The following LARGE1 variants were observed in gnomAD, a reference collection of about 807,000 sequenced individuals.
LARGE1 encodes LARGE xylosyl- and glucuronyltransferase 1, also known as xylosyl- and glucuronyltransferase LARGE1.
Under a neutral mutation model 87.6 loss-of-function variants are expected in LARGE1, and 43 were observed. The observed-to-expected ratio is 0.49, with a 90% CI of 0.38 to 0.63. The LOEUF is 0.63. Ranked by LOEUF, LARGE1 falls within the 30% of genes least tolerant of loss-of-function variation. The pLI, the probability that LARGE1 is intolerant of heterozygous loss-of-function variation, is 0.00. For missense variants in LARGE1, 802 were observed against 1,000.2 expected, an observed-to-expected ratio of 0.80 and a Z score of 2.67; for synonymous variants, 434 against 394.6, an observed-to-expected ratio of 1.10 and a Z score of -1.18.
At chr22:33,586,721 T>C (rs2078687492) in intron 5 of LARGE1, among the ~76,000 whole-genome samples, 1 of 152,222 alleles carries the variant, frequency 6.6e-6, no homozygotes, top group Non-Finnish European at 1.5e-5. Context: ...CCTCCCGAAG[T>C]GCTGGGATTA....
intron 6 of LARGE1, among the ~76,000 whole-genome samples, chr22:33,455,485 T>G (rs2068095151): frequency 6.6e-6 from 1 of 152,054 alleles, no homozygotes; most frequent in African/African-American, 2.4e-5. Context: ...AAAAAATTGC[T>G]ATTGTGCCTG....
At chr22:33,085,524 G>A in the LARGE1 span, among the ~76,000 whole-genome samples, 1 of 139,458 alleles carries the variant, frequency 7.2e-6, no homozygotes, top group Non-Finnish European at 1.7e-5. Context: ...TGTCAACTCA[G>A]TATCAACATT....
chr22:33,785,096 C>G (rs1005562395), intron 1 of LARGE1, among the ~76,000 whole-genome samples: 2 of 125,396 alleles, frequency 1.6e-5, no homozygotes, highest in South Asian at 5.4e-4. Flanking sequence ...TGTGTATATA[C>G]ATGTGTATAC....
At chr22:33,904,382 C>T (rs542412295) in intron 1 of LARGE1, among the ~76,000 whole-genome samples, 26 of 152,350 alleles carry the variant, frequency 1.7e-4, no homozygotes, top group African/African-American at 6.3e-4. Flanking sequence ...TCTCAATCTC[C>T]TGACCTCGTG....
chr22:33,433,628 A>AAG (rs2067163067), intron 6 of LARGE1, among the ~76,000 whole-genome samples: 1 of 151,428 alleles, frequency 6.6e-6, no homozygotes, highest in Non-Finnish European at 1.5e-5. Flanking sequence ...AAAAAAAAAA[A>AAG]AAGAAAGGGA....
intron 6 of LARGE1, among the ~76,000 whole-genome samples, chr22:33,529,227 T>C (rs2072073116): frequency 6.6e-6 from 1 of 152,218 alleles, no homozygotes; most frequent in South Asian, 2.1e-4. Flanking sequence ...CCCTGGCTCA[T>C]CGCCTTTGAG....
intron 2 of LARGE1, chr22:33,723,790 A>G (rs139171162): frequency 5.7e-4 from 87 of 152,050 alleles, no homozygotes; most frequent in African/African-American, 2.0e-3. Flanking sequence ...ACAACTCCCT[A>G]TACCACCCTT....
At chr22:33,096,822 C>G in the LARGE1 span, among the ~76,000 whole-genome samples, 1 of 152,188 alleles carries the variant, frequency 6.6e-6, no homozygotes, top group Non-Finnish European at 1.5e-5. Context: ...GCCTCGGCCT[C>G]CCAAAGTGCT....
At chr22:33,475,235 T>C (rs2069020912) in intron 6 of LARGE1, among the ~76,000 whole-genome samples, 1 of 152,122 alleles carries the variant, frequency 6.6e-6, no homozygotes, top group Non-Finnish European at 1.5e-5. Context: ...CTCTTCCTAT[T>C]TGCATCACTT....
At chr22:33,753,538 T>C (rs930216100) in intron 2 of LARGE1, among the ~76,000 whole-genome samples, 12 of 152,036 alleles carry the variant, frequency 7.9e-5, no homozygotes, top group African/African-American at 2.7e-4. Flanking sequence ...AATAAATGTA[T>C]GGTTTTTTTT....
At position 33,591,586 on chromosome 22, in the gene LARGE1, C is replaced by A. The variant is rs117496138; in HGVS notation, c.615+12849G>T. Among the ~76,000 whole-genome samples, 577 of 152,268 alleles carry A rather than the reference C, an allele frequency of 3.8e-3. 11 individuals are homozygous for A. Among genetic ancestry groups the A allele is most frequent in the Admixed American group, 0.032 (497 of 15,298 alleles). ...CAGATAGATGCTTGGCAAATTCTTT[C>A]TTTCAGTCTGTAGCTTATCCTTATA... On this transcript the variant is annotated intron_variant, in intron 5 of 14. Coordinates refer to ENST00000397394, the MANE Select transcript of LARGE1 (RefSeq NM_133642.5).
the LARGE1 span, among the ~76,000 whole-genome samples, chr22:33,073,122 G>A: frequency 6.6e-6 from 1 of 152,192 alleles, no homozygotes; most frequent in African/African-American, 2.4e-5. Context: ...CCCCCATATG[G>A]GGTGGGGTAG....
At chr22:33,821,960 T>G (rs2086839038) in intron 1 of LARGE1, among the ~76,000 whole-genome samples, 1 of 151,574 alleles carries the variant, frequency 6.6e-6, no homozygotes, top group Non-Finnish European at 1.5e-5. Flanking sequence ...AGGTTTTTTT[T>G]TTTTTTTTTT....
At chr22:33,708,604 CT>C (rs1047288190) in intron 2 of LARGE1, among the ~76,000 whole-genome samples, 1 of 152,038 alleles carries the variant, frequency 6.6e-6, no homozygotes, top group Non-Finnish European at 1.5e-5. Flanking sequence ...TTTGTTTCTT[CT>C]TTTTTGTGTG....
chr22:33,816,596 G>T lies in LARGE1; in HGVS notation c.-82-55038C>A, dbSNP rs1162418753. Among the ~76,000 whole-genome samples, 2 of 152,162 alleles carry T rather than the reference G, an allele frequency of 1.3e-5. 1 individual carries two copies. The highest frequency in any genetic ancestry group is 4.2e-4 in the South Asian group (2 of 4,808). ...ATTTCAGCATACAAATTCTGAGGGGGTGTAAACATTCAGACCATAGCAGGC... is the reference window on the plus strand; with the variant it reads ...ATTTCAGCATACAAATTCTGAGGGGTTGTAAACATTCAGACCATAGCAGGC... On this transcript the variant is annotated intron_variant, in intron 1 of 14. Transcript: ENST00000397394.
intron 11 of LARGE1, among the ~76,000 whole-genome samples, chr22:33,176,135 C>T (rs1054910209): frequency 9.2e-5 from 14 of 152,154 alleles, no homozygotes; most frequent in Non-Finnish European, 1.6e-4. Context: ...CTTCCTTACA[C>T]CTTATACAAA....
At chr22:33,130,530 A>G in the LARGE1 span, among the ~76,000 whole-genome samples, 4 of 151,982 alleles carry the variant, frequency 2.6e-5, no homozygotes, top group African/African-American at 7.2e-5. Flanking sequence ...TCCACTTGCT[A>G]AGAGGCCATG....
chr22:33,727,752 T>C (rs2083314463), intron 2 of LARGE1: 1 of 152,238 alleles, frequency 6.6e-6, no homozygotes, highest in African/African-American at 2.4e-5. Context: ...TACTGGCTGA[T>C]AAGGCTGGGA....
downstream of LARGE1, among the ~76,000 whole-genome samples, chr22:33,270,959 T>C (rs749118905): frequency 2.6e-5 from 4 of 152,216 alleles, no homozygotes; most frequent in Non-Finnish European, 4.4e-5. Flanking sequence ...ACCTGAGCCA[T>C]GTAATCTAAG....
Sources: allele counts gnomAD v4.1 joint callset (sites outside exome capture counted in the v4.1 genomes callset), GRCh38; gene constraint gnomAD v4.1.1; transcripts MANE v1.5; gene names NCBI Gene and HGNC (gene_info 2026-07-23, HGNC 2026-07-21).